Variants in NEO1 observed in about 807,000 individuals in gnomAD.
NEO1 encodes neogenin.
Under a neutral mutation model 159.7 loss-of-function variants are expected in NEO1, and 63 were observed. The ratio of observed to expected loss-of-function variants is 0.39; its 90% confidence interval spans 0.32 to 0.49. The LOEUF is 0.49. Among genes scored for constraint, NEO1 ranks in the 20% least tolerant of loss-of-function variants. The pLI is 0.85. For synonymous variants in NEO1, 633 were observed against 662.0 expected (o/e 0.96, Z 0.67); for missense variants, 1,615 against 1,831.0 (o/e 0.88, Z 2.15).
chr15:73,062,814 G>A lies in NEO1; in HGVS notation c.130+10009G>A, dbSNP rs191345402. Among the ~76,000 whole-genome samples, 40 of 152,330 alleles carry A rather than the reference G, an allele frequency of 2.6e-4. 1 individual carries two copies. The East Asian group carries it at 5.4e-3, about 21-fold the overall frequency. ...ATTGGTTCCATTTTGGACACCTTGA[G>A]TCTGAAATGTCAGCAGAACATCCCT... On this transcript the variant is annotated intron_variant, in intron 1 of 28. Transcript: ENST00000261908.
At chr15:73,242,698 G>T (rs1423407156) in intron 8 of NEO1, among the ~76,000 whole-genome samples, 3 of 152,032 alleles carry the variant, frequency 2.0e-5, no homozygotes, top group Non-Finnish European at 4.4e-5. Context: ...AATCTTAAGA[G>T]AAACTATTTA....
chr15:73,199,651 G>T (rs189931786), intron 7 of NEO1, among the ~76,000 whole-genome samples: 175 of 152,234 alleles, frequency 1.1e-3, no homozygotes, highest in Non-Finnish European at 6.9e-4. Context: ...TGGTATATTT[G>T]TGCTGCTATA....
chr15:73,210,522 GAA>G (rs990600989), intron 7 of NEO1, among the ~76,000 whole-genome samples: 1 of 152,228 alleles, frequency 6.6e-6, no homozygotes, highest in Admixed American at 6.5e-5. Context: ...CTTATCTTGT[GAA>G]ACTGAGTGTT....
At chr15:73,054,920 A>C (rs1422160393) in intron 1 of NEO1, among the ~76,000 whole-genome samples, 1 of 152,154 alleles carries the variant, frequency 6.6e-6, no homozygotes. Flanking sequence ...TAGACTTATA[A>C]ATCTTTTTAT....
intron 5 of NEO1, among the ~76,000 whole-genome samples, chr15:73,172,919 T>A (rs1003278488): frequency 6.6e-6 from 1 of 152,194 alleles, no homozygotes; most frequent in Non-Finnish European, 1.5e-5. Flanking sequence ...ACACACACAC[T>A]CTCCTGATTT....
At chr15:73,063,230 C>T (rs953951632) in intron 1 of NEO1, among the ~76,000 whole-genome samples, 2 of 152,058 alleles carry the variant, frequency 1.3e-5, no homozygotes, top group African/African-American at 4.8e-5. Flanking sequence ...GAACAGTAGG[C>T]AGGGAGAGCA....
intron 5 of NEO1, among the ~76,000 whole-genome samples, chr15:73,167,220 C>G (rs1351438628): frequency 1.3e-5 from 2 of 149,524 alleles, no homozygotes; most frequent in Admixed American, 1.3e-4. Context: ...CACTTGTATA[C>G]ATATGTAACA....
chr15:73,264,024 A>G (rs929047068), intron 15 of NEO1, among the ~76,000 whole-genome samples: 1 of 151,968 alleles, frequency 6.6e-6, no homozygotes, highest in Non-Finnish European at 1.5e-5. Context: ...CATCTCTACA[A>G]AAAATTTAAA....
intron 26 of NEO1, among the ~76,000 whole-genome samples, chr15:73,297,477 A>G (rs1018709877): frequency 3.3e-5 from 5 of 152,214 alleles, no homozygotes; most frequent in African/African-American, 1.2e-4. Context: ...TCAATCCTCA[A>G]AGAATTATGT....
intron 5 of NEO1, among the ~76,000 whole-genome samples, chr15:73,169,155 A>G (rs537419838): frequency 6.6e-5 from 10 of 152,254 alleles, no homozygotes; most frequent in African/African-American, 1.7e-4. Flanking sequence ...TTAAATGGCA[A>G]TTTTCAGCAT....
intron 1 of NEO1, among the ~76,000 whole-genome samples, chr15:73,066,756 C>T (rs1342809792): frequency 1.3e-5 from 2 of 152,138 alleles, no homozygotes; most frequent in Non-Finnish European, 1.5e-5. Flanking sequence ...CTTGGCAGGC[C>T]CTCACTCCAG....
intron 15 of NEO1, among the ~76,000 whole-genome samples, chr15:73,262,893 A>G (rs1175169309): frequency 2.0e-5 from 3 of 152,230 alleles, no homozygotes; most frequent in Non-Finnish European, 4.4e-5. Flanking sequence ...GGCTATCAAG[A>G]CACAACAGAA....
At chr15:73,147,866 T>C (rs1328285143) in intron 5 of NEO1, among the ~76,000 whole-genome samples, 5 of 151,306 alleles carry the variant, frequency 3.3e-5, no homozygotes, top group Admixed American at 2.6e-4. Flanking sequence ...CAGGCTGGAG[T>C]GCAGTTGCGC....
At chr15:73,266,444 C>G (rs1252498106) in intron 16 of NEO1, 33 bp downstream of exon 16, 1 of 1,528,860 alleles carries the variant, frequency 6.5e-7, no homozygotes, top group Non-Finnish European at 9.0e-7. Flanking sequence ...GTCTCCAGCA[C>G]TTTTCCTAGC....
At chr15:73,179,470 G>A (rs1726666438) in intron 7 of NEO1, among the ~76,000 whole-genome samples, 1 of 152,176 alleles carries the variant, frequency 6.6e-6, no homozygotes, top group Non-Finnish European at 1.5e-5. Flanking sequence ...CTCACTGGAG[G>A]CATTCTGCTA....
intron 7 of NEO1, among the ~76,000 whole-genome samples, chr15:73,196,007 G>A (rs1293386053): frequency 1.3e-5 from 2 of 152,166 alleles, no homozygotes; most frequent in South Asian, 4.1e-4. Context: ...CTCATTGAAA[G>A]TCAGTTTTTC....
intron 5 of NEO1, among the ~76,000 whole-genome samples, chr15:73,148,381 G>A (rs1004338976): frequency 3.9e-5 from 6 of 152,124 alleles, no homozygotes; most frequent in African/African-American, 1.4e-4. Context: ...GGAACAGCAG[G>A]AAAAGTGGAG....
chr15:73,288,416 C>T lies in NEO1; in HGVS notation c.3514C>T (p.Leu1172=). 6.2e-7 allele frequency: 1 copy of T among 1,614,108 alleles called. No homozygotes were observed. Among genetic ancestry groups the T allele is most frequent in the Non-Finnish European group, 8.5e-7 (1 of 1,180,010 alleles). The change falls in exon 24 of 29, where the codon CTG becomes TTG. Residue 1172 remains leucine (L), a synonymous_variant. Coordinates refer to ENST00000261908, the MANE Select transcript of NEO1 (RefSeq NM_002499.4). ...CTGGATCCATCATGAGAGACTGGAG[C>T]TGAAACCCATTGATAAGTCTCCAGA... ...DLWIHHERLE[L]KPIDKSPDPN...
At chr15:73,056,890 A>G (rs1247890331) in intron 1 of NEO1, among the ~76,000 whole-genome samples, 1 of 152,222 alleles carries the variant, frequency 6.6e-6, no homozygotes, top group Non-Finnish European at 1.5e-5. Flanking sequence ...CCTGTCTGTT[A>G]GAATGAGGCA....
Sources: allele counts gnomAD v4.1 joint callset (sites outside exome capture counted in the v4.1 genomes callset), GRCh38; gene constraint gnomAD v4.1.1; transcripts MANE v1.5; gene names NCBI Gene and HGNC (gene_info 2026-07-23, HGNC 2026-07-21).